AGAP1: variants seen among roughly 807,000 people sequenced by gnomAD.
AGAP1 encodes the protein arf-GAP with GTPase, ANK repeat and PH domain-containing protein 1.
AGAP1 carries 29 observed loss-of-function variants against 105.3 expected under a neutral mutation model. The ratio of observed to expected loss-of-function variants is 0.28; its 90% CI spans 0.21 to 0.38. The LOEUF (loss-of-function observed/expected upper bound fraction) is 0.38, where lower values mean the gene tolerates loss of function less well. Ranked by LOEUF, AGAP1 falls within the 10% of genes least tolerant of loss-of-function variation. The pLI is 1.00. For missense variants in AGAP1, 998 were observed against 1,165.1 expected (o/e 0.86, Z 2.09); for synonymous variants, 509 against 485.9 (o/e 1.05, Z -0.63).
chr2:235,767,619 G>A (rs749885199), intron 6 of AGAP1, among the ~76,000 whole-genome samples: 1 of 152,080 alleles, frequency 6.6e-6, no homozygotes, highest in East Asian at 1.9e-4. Context: ...TCTAAGCACC[G>A]TTACCAAGAG....
Position 235,776,711 on chromosome 2 carries a change from G to A in AGAP1, c.674-21048G>A, listed in dbSNP as rs115016194. The stretch of plus-strand genomic sequence containing the variant: ...TTGCAGGTGCTATGCCCTGCAGGGA[G>A]CGGAGGGCCCTCCCCCTTCCCCTTG... On this transcript the variant is annotated intron_variant, in intron 6 of 17. Coordinates refer to ENST00000304032, the MANE Select transcript of AGAP1 (RefSeq NM_001037131.3). Among the ~76,000 whole-genome samples the A allele has an allele frequency of 2.4e-3, 368 of 152,254 alleles. 2 individuals carry two copies. The highest frequency in any genetic ancestry group is 4.3e-3 in the Non-Finnish European group (290 of 68,018).
At chr2:235,575,587 C>G (rs1227456350) in intron 1 of AGAP1, among the ~76,000 whole-genome samples, 1 of 152,224 alleles carries the variant, frequency 6.6e-6, no homozygotes, top group Non-Finnish European at 1.5e-5. Context: ...GTGAGCTGTG[C>G]TCACGGGTGG....
chr2:235,540,233 C>T (rs890288486), intron 1 of AGAP1, among the ~76,000 whole-genome samples: 4 of 151,296 alleles, frequency 2.6e-5, no homozygotes, highest in African/African-American at 9.8e-5. Flanking sequence ...TCACTGCAAC[C>T]TCTGCCTCCT....
intron 1 of AGAP1, among the ~76,000 whole-genome samples, chr2:235,603,227 T>C (rs1159004715): frequency 6.6e-6 from 1 of 151,900 alleles, no homozygotes; most frequent in Non-Finnish European, 1.5e-5. Flanking sequence ...CGTCTCTCTC[T>C]TGCCTGCCGC....
rs1288955442 is a variant in AGAP1 at position 235,983,538 on chromosome 2, C to T, written c.1645+14915C>T. 6.6e-6 allele frequency among the ~76,000 whole-genome samples: 1 copy of T among 151,928 alleles called. No homozygotes were observed. The highest frequency in any genetic ancestry group is 1.9e-4 in the East Asian group (1 of 5,196). On this transcript the variant is annotated intron_variant, in intron 13 of 17. Transcript: ENST00000304032. This position sits in a 1 kb window ranked among gnomAD's most constrained non-coding sequence, Gnocchi z 4.5. ...TTTCTTATTCTCTTTTTTCTTTGAA[C>T]TTTTTTTTATTGTGGCAAAATACAG... is the stretch of plus-strand genomic sequence containing the variant.
At chr2:235,524,158 G>C (rs1357478776) in intron 1 of AGAP1, among the ~76,000 whole-genome samples, 1 of 152,192 alleles carries the variant, frequency 6.6e-6, no homozygotes, top group Non-Finnish European at 1.5e-5. Flanking sequence ...GCGTCCGTGG[G>C]CCACCATTGT....
chr2:235,661,535 G>A (rs55823170), intron 1 of AGAP1, among the ~76,000 whole-genome samples: 1 of 143,238 alleles, frequency 7.0e-6, no homozygotes, highest in African/African-American at 3.0e-5. Flanking sequence ...CTGTGGGGGT[G>A]GGGGGGCTGT....
chr2:235,933,000 C>G (rs1046296066), intron 12 of AGAP1, among the ~76,000 whole-genome samples: 4 of 152,188 alleles, frequency 2.6e-5, no homozygotes, highest in African/African-American at 9.6e-5. Context: ...GACCAGTATG[C>G]TCCCTGACCT....
intron 1 of AGAP1, among the ~76,000 whole-genome samples, chr2:235,510,370 A>G (rs895248077): frequency 1.1e-4 from 17 of 152,194 alleles, no homozygotes; most frequent in African/African-American, 4.1e-4. Flanking sequence ...GTTGTTACAT[A>G]TATCCATAGC....
chr2:235,586,303 C>G lies in AGAP1; in HGVS notation c.163+91454C>G, dbSNP rs908246045. On this transcript the variant is annotated intron_variant, in intron 1 of 17. Coordinates refer to ENST00000304032, the MANE Select transcript of AGAP1 (RefSeq NM_001037131.3). The surrounding 1 kb of genome is among the most constrained non-coding windows in gnomAD (Gnocchi z 4.2). The stretch of plus-strand genomic sequence containing the variant: ...CACTGACCAGACCACCCACTTTGCC[C>G]TCTGCACGCTCACTCCACGAAGGAT... Among the ~76,000 whole-genome samples, 4 of 152,182 alleles carry G rather than the reference C, an allele frequency of 2.6e-5. No individual in the cohort carries two copies. The highest frequency in any genetic ancestry group is 5.9e-5 in the Non-Finnish European group (4 of 68,030).
intron 12 of AGAP1, among the ~76,000 whole-genome samples, chr2:235,945,946 T>A (rs1490001123): frequency 4.0e-5 from 6 of 151,604 alleles, no homozygotes; most frequent in Non-Finnish European, 8.8e-5. Flanking sequence ...AGTGACCAGA[T>A]CTCATGAGAC....
At chr2:235,819,115 T>G (rs1252145956) in intron 9 of AGAP1, among the ~76,000 whole-genome samples, 1 of 86,398 alleles carries the variant, frequency 1.2e-5, no homozygotes, top group Non-Finnish European at 2.8e-5. Context: ...TTCTTTTCTT[T>G]TCTTTTTTTT....
At chr2:235,504,938 C>T (rs1337458867) in intron 1 of AGAP1, among the ~76,000 whole-genome samples, 2 of 152,142 alleles carry the variant, frequency 1.3e-5, no homozygotes, top group Admixed American at 6.5e-5. Flanking sequence ...GCTGTGTGAG[C>T]GAAATCCCTC....
chr2:235,645,959 A>G (rs889574099), intron 1 of AGAP1, among the ~76,000 whole-genome samples: 1 of 152,140 alleles, frequency 6.6e-6, no homozygotes, highest in Non-Finnish European at 1.5e-5. Context: ...AACCAAGTCT[A>G]TCAAGCTTCT....
chr2:235,585,737 G>T (rs753938597), intron 1 of AGAP1, among the ~76,000 whole-genome samples: 1 of 152,108 alleles, frequency 6.6e-6, no homozygotes, highest in African/African-American at 2.4e-5. Flanking sequence ...AAACTTGTAG[G>T]TAAAAACCAA....
At chr2:236,008,037 G>T (rs1199474917) in intron 13 of AGAP1, among the ~76,000 whole-genome samples, 1 of 152,222 alleles carries the variant, frequency 6.6e-6, no homozygotes, top group Non-Finnish European at 1.5e-5. Flanking sequence ...TTCTAAGTGA[G>T]AATTTGGTTT....
At chr2:235,899,842 C>G (rs574121411) in intron 10 of AGAP1, among the ~76,000 whole-genome samples, 1 of 152,104 alleles carries the variant, frequency 6.6e-6, no homozygotes, top group Non-Finnish European at 1.5e-5. Flanking sequence ...GTTACAACTG[C>G]GTAATACTCA....
chr2:235,886,995 C>T (rs191563647), intron 10 of AGAP1, among the ~76,000 whole-genome samples: 32 of 152,284 alleles, frequency 2.1e-4, no homozygotes, highest in South Asian at 4.1e-4. Flanking sequence ...GGGACACCCA[C>T]GAGCCGAATC....
In AGAP1 at chr2:236,129,177, GGGA is replaced by G. The variant is rs2060049736; in HGVS notation, c.*5057_*5059del. ...TTGGATTTCTGAGTGGCTTTCTTCAGGGAGCCCTTGTGGTCATGTGTCTTTAAT... is the reference window on the plus strand; with the variant it reads ...TTGGATTTCTGAGTGGCTTTCTTCAGGCCCTTGTGGTCATGTGTCTTTAAT... On this transcript the variant is annotated 3_prime_UTR_variant, in exon 18 of 18. Transcript: ENST00000304032. The surrounding 1 kb of genome is among the most constrained non-coding windows in gnomAD (Gnocchi z 6.2). 1 of 152,224 alleles carries G rather than the reference GGGA, an allele frequency of 6.6e-6. No homozygotes were observed. The highest frequency in any genetic ancestry group is 2.1e-4 in the South Asian group (1 of 4,826). 9.4% of individuals were successfully genotyped at this position (152,224 alleles called of 1,614,324 possible). A position where few individuals can be genotyped will look rare whatever the true frequency, so the allele number is the denominator to read the frequency against.
Sources: allele counts gnomAD v4.1 joint callset (sites outside exome capture counted in the v4.1 genomes callset), GRCh38; gene constraint gnomAD v4.1.1; non-coding constraint Gnocchi (gnomAD v3.1); transcripts MANE v1.5; gene names NCBI Gene and HGNC (gene_info 2026-07-23, HGNC 2026-07-21).